Variants in DSCAM observed in about 807,000 individuals in gnomAD.
The protein encoded by DSCAM is DS cell adhesion molecule, also known as cell adhesion molecule DSCAM.
In DSCAM, 47 loss-of-function variants were observed where a neutral mutation model predicts 217.7. That is an observed-to-expected ratio of 0.22 (90% CI 0.17 to 0.28). The LOEUF (loss-of-function observed/expected upper bound fraction) is 0.28, where lower values mean the gene tolerates loss of function less well. Among genes scored for constraint, DSCAM ranks in the 10% least tolerant of loss-of-function variants. The probability of loss-of-function intolerance (pLI) is 1.00; values close to 1 mark genes in which losing one functional copy is unlikely to be tolerated. For missense variants in DSCAM, 2,080 were observed against 2,618.3 expected, an observed-to-expected ratio of 0.79 and a Z score of 4.49; for synonymous variants, 1,056 against 1,015.3, an observed-to-expected ratio of 1.04 and a Z score of -0.76.
At chr21:40,481,432 G>A (rs1235116772) in intron 3 of DSCAM, among the ~76,000 whole-genome samples, 1 of 146,724 alleles carries the variant, frequency 6.8e-6, no homozygotes, top group Non-Finnish European at 1.5e-5. Context: ...AAAGCTTGCA[G>A]AGAATGGCGT....
intron 1 of DSCAM, among the ~76,000 whole-genome samples, chr21:40,830,178 T>C (rs912766525): frequency 6.6e-6 from 1 of 152,148 alleles, no homozygotes; most frequent in Non-Finnish European, 1.5e-5. Flanking sequence ...TCTACTCAGC[T>C]TCTAAGAAAG....
At chr21:40,033,827 C>G (rs1018333262) in intron 32 of DSCAM, among the ~76,000 whole-genome samples, 4 of 149,552 alleles carry the variant, frequency 2.7e-5, no homozygotes, top group African/African-American at 5.0e-5. Context: ...CGCAGCTGGA[C>G]ATCTGAGAAG....
At chr21:40,103,792 CCATA>C (rs1369850212) in intron 20 of DSCAM, among the ~76,000 whole-genome samples, 1 of 148,696 alleles carries the variant, frequency 6.7e-6, no homozygotes, top group African/African-American at 2.5e-5. Flanking sequence ...TTATATATGA[CCATA>C]TATATATATA....
At chr21:40,576,455 CTGAA>C (rs1217917675) in intron 3 of DSCAM, among the ~76,000 whole-genome samples, 1 of 152,156 alleles carries the variant, frequency 6.6e-6, no homozygotes, top group Non-Finnish European at 1.5e-5. Flanking sequence ...GGACAGTTAA[CTGAA>C]TGTTCTACAT....
intron 1 of DSCAM, among the ~76,000 whole-genome samples, chr21:40,817,601 A>G (rs2091890900): frequency 6.6e-6 from 1 of 152,226 alleles, no homozygotes; most frequent in Non-Finnish European, 1.5e-5. Flanking sequence ...GCATTGTGCC[A>G]TGATGCATAA....
At chr21:40,229,855 C>A (rs1335294405) in intron 11 of DSCAM, among the ~76,000 whole-genome samples, 2 of 152,174 alleles carry the variant, frequency 1.3e-5, no homozygotes, top group African/African-American at 4.8e-5. Context: ...ATCAGTTGGG[C>A]AAACACCCAG....
At chr21:40,680,964 A>C (rs1350379747) in intron 3 of DSCAM, among the ~76,000 whole-genome samples, 1 of 152,230 alleles carries the variant, frequency 6.6e-6, no homozygotes, top group African/African-American at 2.4e-5. Flanking sequence ...CAGTCAATAC[A>C]ACTTTGCAAA....
intron 3 of DSCAM, among the ~76,000 whole-genome samples, chr21:40,417,989 TGC>T (rs1344795988): frequency 6.6e-6 from 1 of 152,190 alleles, no homozygotes; most frequent in Non-Finnish European, 1.5e-5. Context: ...CTAGACCTAG[TGC>T]GTGGATACAC....
intron 3 of DSCAM, among the ~76,000 whole-genome samples, chr21:40,690,993 C>T (rs966015294): frequency 2.6e-5 from 4 of 152,192 alleles, no homozygotes; most frequent in South Asian, 2.1e-4. Context: ...TTAGGCTTAA[C>T]ACCTGGGTGA....
chr21:40,116,550 A>T (rs548042120), intron 20 of DSCAM, among the ~76,000 whole-genome samples: 1 of 152,162 alleles, frequency 6.6e-6, no homozygotes, highest in African/African-American at 2.4e-5. Flanking sequence ...ATCCAAGAAC[A>T]TAGAGAGCCT....
intron 9 of DSCAM, among the ~76,000 whole-genome samples, chr21:40,300,614 G>T (rs1376090736): frequency 6.6e-6 from 1 of 152,206 alleles, no homozygotes; most frequent in Non-Finnish European, 1.5e-5. Context: ...CTTGACATGT[G>T]AAAAACAATT....
At chr21:40,428,233 TTTG>T (rs1439702500) in intron 3 of DSCAM, among the ~76,000 whole-genome samples, 3 of 128,490 alleles carry the variant, frequency 2.3e-5, no homozygotes, top group African/African-American at 9.4e-5. Flanking sequence ...GGGCAAATAC[TTTG>T]TGTGTGTGTG....
At chr21:40,305,666 C>A (rs1015068810) in intron 9 of DSCAM, among the ~76,000 whole-genome samples, 1 of 151,978 alleles carries the variant, frequency 6.6e-6, no homozygotes, top group African/African-American at 2.4e-5. Context: ...ATATGGCTAG[C>A]CAGTTTTCCC....
intron 3 of DSCAM, among the ~76,000 whole-genome samples, chr21:40,524,630 G>T (rs2076385765): frequency 6.6e-6 from 1 of 151,998 alleles, no homozygotes; most frequent in Admixed American, 6.6e-5. Context: ...TGAGTTTTCT[G>T]GTCAAGAATG....
intron 3 of DSCAM, among the ~76,000 whole-genome samples, chr21:40,608,491 A>C (rs946512585): frequency 3.3e-5 from 5 of 152,212 alleles, no homozygotes; most frequent in African/African-American, 1.2e-4. Context: ...AGCTCAAAAT[A>C]AACTGTTTTG....
chr21:40,336,836 A>T (rs1006236825), intron 8 of DSCAM, among the ~76,000 whole-genome samples: 1 of 152,196 alleles, frequency 6.6e-6, no homozygotes, highest in Non-Finnish European at 1.5e-5. Context: ...TGTATTCCTC[A>T]GTGTCTAGAG....
At chr21:40,731,563 C>T (rs1380714365) in intron 1 of DSCAM, among the ~76,000 whole-genome samples, 2 of 152,136 alleles carry the variant, frequency 1.3e-5, no homozygotes, top group Non-Finnish European at 2.9e-5. Context: ...TTGGTTTGTT[C>T]TGAGGCTTCT....
At chr21:40,493,883 TATAC>T (rs1269114341) in intron 3 of DSCAM, among the ~76,000 whole-genome samples, 5 of 124,982 alleles carry the variant, frequency 4.0e-5, no homozygotes, top group African/African-American at 1.5e-4. Context: ...AAAAAAAATA[TATAC>T]ATATATATAC....
intron 30 of DSCAM, among the ~76,000 whole-genome samples, chr21:40,049,002 T>A (rs115531081): frequency 0.029 from 4,476 of 152,294 alleles, 91 homozygotes; most frequent in South Asian, 0.055. Context: ...CTTTTACTAA[T>A]ACAGAGGGTT....
Sources: allele counts gnomAD v4.1 joint callset (sites outside exome capture counted in the v4.1 genomes callset), GRCh38; gene constraint gnomAD v4.1.1; transcripts MANE v1.5; gene names NCBI Gene and HGNC (gene_info 2026-07-23, HGNC 2026-07-21).